Variants in SIPA1L2 observed in about 807,000 individuals in gnomAD.
SIPA1L2 encodes signal-induced proliferation-associated 1-like protein 2.
SIPA1L2 carries 56 observed loss-of-function variants against 163.9 expected under a neutral mutation model. The observed-to-expected ratio is 0.34, with a 90% confidence interval of 0.28 to 0.43. The LOEUF is 0.43. Ranked by LOEUF, SIPA1L2 falls within the 20% of genes least tolerant of loss-of-function variation. SIPA1L2 has a pLI of 1.00. For missense variants in SIPA1L2, 1,974 were observed against 2,193.5 expected (o/e 0.90, Z 2.00); for synonymous variants, 877 against 865.7 (o/e 1.01, Z -0.23).
At chr1:232,472,313 T>A (rs1664840779) in intron 7 of SIPA1L2, among the ~76,000 whole-genome samples, 1 of 152,206 alleles carries the variant, frequency 6.6e-6, no homozygotes, top group Non-Finnish European at 1.5e-5. Context: ...TTACACTGGT[T>A]GTTGTACTGT....
chr1:232,454,718 T>C (rs764133204), intron 10 of SIPA1L2, among the ~76,000 whole-genome samples: 4 of 152,206 alleles, frequency 2.6e-5, no homozygotes, highest in Non-Finnish European at 5.9e-5. Flanking sequence ...CTTATTGTGA[T>C]GGTAATATCC....
At chr1:232,576,421 T>C (rs976057926) in intron 1 of SIPA1L2, among the ~76,000 whole-genome samples, 1 of 152,238 alleles carries the variant, frequency 6.6e-6, no homozygotes, top group Non-Finnish European at 1.5e-5. Context: ...GCCACATTCA[T>C]ATAAAACAGT....
At chr1:232,454,911 C>T (rs915761657) in intron 10 of SIPA1L2, among the ~76,000 whole-genome samples, 4 of 152,136 alleles carry the variant, frequency 2.6e-5, no homozygotes, top group Non-Finnish European at 5.9e-5. Context: ...TTTAGAAAGC[C>T]AGAAAGACTA....
intron 1 of SIPA1L2, among the ~76,000 whole-genome samples, chr1:232,621,320 G>A (rs1030179365): frequency 1.3e-5 from 2 of 152,060 alleles, no homozygotes; most frequent in Non-Finnish European, 2.9e-5. Flanking sequence ...ATAGTGAGTC[G>A]GTAATTCCGC....
chr1:232,576,577 T>C (rs753565510), intron 1 of SIPA1L2, among the ~76,000 whole-genome samples: 4 of 152,234 alleles, frequency 2.6e-5, no homozygotes, highest in Non-Finnish European at 4.4e-5. Flanking sequence ...CCTCTCCGTA[T>C]TCAAGTAAGA....
intron 1 of SIPA1L2, among the ~76,000 whole-genome samples, chr1:232,629,632 C>T (rs951975796): frequency 2.0e-5 from 3 of 152,182 alleles, no homozygotes; most frequent in African/African-American, 4.8e-5. Context: ...TTGGAGAGAA[C>T]AGGCGGCGGC....
chr1:232,630,287 G>C (rs1028194874), upstream of SIPA1L2, among the ~76,000 whole-genome samples: 2 of 151,794 alleles, frequency 1.3e-5, no homozygotes, highest in Non-Finnish European at 2.9e-5. Flanking sequence ...GCCCGGCTCC[G>C]GGCGCAGCCG....
At chr1:232,560,568 A>G (rs1056948263) in intron 2 of SIPA1L2, among the ~76,000 whole-genome samples, 4 of 152,202 alleles carry the variant, frequency 2.6e-5, no homozygotes, top group Non-Finnish European at 1.5e-5. Flanking sequence ...AATGCTGTGT[A>G]CTGGTCACCT....
intron 12 of SIPA1L2, among the ~76,000 whole-genome samples, chr1:232,443,181 A>T (rs2102866789): frequency 6.6e-6 from 1 of 152,304 alleles, no homozygotes; most frequent in African/African-American, 2.4e-5. Flanking sequence ...TGCGGACTGG[A>T]CTGCGTGGAT....
intron 15 of SIPA1L2, among the ~76,000 whole-genome samples, chr1:232,436,792 G>A (rs1485614951): frequency 1.3e-5 from 2 of 152,126 alleles, no homozygotes; most frequent in African/African-American, 2.4e-5. Flanking sequence ...TGTGCAGCTC[G>A]GGGGGCACGC....
At chr1:232,525,177 C>T (rs1667636027) in intron 2 of SIPA1L2, among the ~76,000 whole-genome samples, 1 of 141,126 alleles carries the variant, frequency 7.1e-6, no homozygotes, top group African/African-American at 2.6e-5. Flanking sequence ...CAGGTATTTA[C>T]AAAAATACTG....
intron 3 of SIPA1L2, among the ~76,000 whole-genome samples, chr1:232,496,356 G>A (rs1442841398): frequency 1.3e-5 from 2 of 152,136 alleles, no homozygotes; most frequent in Admixed American, 6.5e-5. Context: ...CTAGGTTTCT[G>A]TAAGCACACT....
intron 1 of SIPA1L2, among the ~76,000 whole-genome samples, chr1:232,618,452 G>C (rs565922964): frequency 6.6e-6 from 1 of 152,064 alleles, no homozygotes; most frequent in Non-Finnish European, 1.5e-5. Flanking sequence ...TCAGGAGTTC[G>C]AGACCAGCCT....
chr1:232,449,569 C>T (rs996239667), intron 10 of SIPA1L2, among the ~76,000 whole-genome samples: 2 of 148,906 alleles, frequency 1.3e-5, no homozygotes, highest in Non-Finnish European at 3.0e-5. Context: ...CTAAAAAGTC[C>T]GGCAACTACC....
intron 16 of SIPA1L2, among the ~76,000 whole-genome samples, chr1:232,431,129 A>G (rs1448214718): frequency 6.6e-6 from 1 of 152,238 alleles, no homozygotes; most frequent in Non-Finnish European, 1.5e-5. Context: ...CTACGGCGAC[A>G]TATAAAATGC....
In SIPA1L2 at chr1:232,402,386, G is replaced by T. The variant is rs753454352; in HGVS notation, c.5022+6C>A. The T allele has an allele frequency of 2.5e-6, 4 of 1,611,874 alleles. No individual in the cohort carries two copies. Among genetic ancestry groups the T allele is most frequent in the South Asian group, 1.1e-5 (1 of 90,838 alleles). On this transcript the variant is annotated splice_donor_region_variant and intron_variant, in intron 22 of 22. Transcript: ENST00000674635. ...CAGTTCTGATTATGCTCTTCCAATT[G>T]ATTACCTTCCGAAGGTCGGTCTGGA...
intron 1 of SIPA1L2, among the ~76,000 whole-genome samples, chr1:232,615,374 G>C (rs1662449495): frequency 6.6e-6 from 1 of 152,252 alleles, no homozygotes; most frequent in Non-Finnish European, 1.5e-5. Flanking sequence ...CACAACGTGA[G>C]CTCATTAGAG....
At position 232,465,428 on chromosome 1, in the gene SIPA1L2, A is replaced by G; in HGVS notation, c.2244-12T>C. On this transcript the variant is annotated splice_polypyrimidine_tract_variant and intron_variant, in intron 8 of 22. Transcript: ENST00000674635. The surrounding 1 kb of genome is among the most constrained non-coding windows in gnomAD (Gnocchi z 4.1). ...TGGAAACTCCAACACTGAGGAAGTA[A>G]AAACAGAAACAAAATGAGATGAGCT... 1 of 1,586,274 alleles carries G rather than the reference A, an allele frequency of 6.3e-7. No individual in the cohort carries two copies. Among genetic ancestry groups the G allele is most frequent in the South Asian group, 1.1e-5 (1 of 87,142 alleles).
intron 18 of SIPA1L2, among the ~76,000 whole-genome samples, chr1:232,420,288 A>G (rs538998774): frequency 2.7e-3 from 404 of 152,110 alleles, no homozygotes; most frequent in Non-Finnish European, 3.6e-3. Context: ...ACGCCACTGC[A>G]CTCCAGCTTG....
Sources: gnomAD v4.1 joint callset for allele counts (sites outside exome capture counted in the v4.1 genomes callset) on GRCh38, gnomAD v4.1.1 for gene constraint, Gnocchi (gnomAD v3.1) non-coding constraint, MANE v1.5 for transcripts, NCBI Gene and HGNC (gene_info 2026-07-23, HGNC 2026-07-21) for gene names.